SULT6B1: variants seen among roughly 807,000 people sequenced by gnomAD.
SULT6B1 encodes the protein sulfotransferase 6B1.
A neutral mutation model predicts 37.2 loss-of-function variants in SULT6B1; 44 were observed. The observed-to-expected ratio is 1.18, with a 90% CI of 0.93 to 1.52. SULT6B1 has a LOEUF of 1.52. SULT6B1 is among the 40% of genes most tolerant of loss of function. SULT6B1 has a pLI of 0.00. For missense variants in SULT6B1, 450 were observed against 361.0 expected (o/e 1.25, Z -2.00); for synonymous variants, 140 against 126.0 (o/e 1.11, Z -0.74).
chr2:37,189,191 C>A (rs1676735102), upstream of SULT6B1, among the ~76,000 whole-genome samples: 1 of 152,186 alleles, frequency 6.6e-6, no homozygotes, highest in South Asian at 2.1e-4. Flanking sequence ...TTGACTCTAC[C>A]ATTTACTAGT....
chr2:37,175,133 T>A lies in SULT6B1; in HGVS notation c.623A>T (p.Glu208Val). Residue 208 changes from glutamate (E) to valine (V), a missense_variant and splice_region_variant, in exon 5 of 7, where the codon GAG (glutamate) becomes GTG (valine). By Grantham distance (121) the Glu-to-Val change is moderately radical. Coordinates refer to ENST00000535679, the MANE Select transcript of SULT6B1 (RefSeq NM_001367551.1). The stretch of plus-strand genomic sequence containing the variant: ...CTAAAATATCAATAATAATCTCACC[T>A]CTTTCAGGTCTTCATATAATATGAA... Reference protein sequence around the residue: ...VKFILYEDLKENLAAGIKQIA... With the variant: ...VKFILYEDLKVNLAAGIKQIA... 1 of 1,535,090 alleles carries A rather than the reference T, an allele frequency of 6.5e-7. No individual in the cohort carries two copies. Among genetic ancestry groups the A allele is most frequent in the Non-Finnish European group, 8.8e-7 (1 of 1,136,170 alleles).
Position 37,171,582 on chromosome 2 carries a change from A to C in SULT6B1, c.633T>G (p.Ala211=). 6.2e-7 allele frequency: 1 copy of C among 1,609,922 alleles called. No homozygotes were observed. Among genetic ancestry groups the C allele is most frequent in the Non-Finnish European group, 8.5e-7 (1 of 1,178,930 alleles). Residue 211 remains alanine (A), a synonymous_variant, in exon 6 of 7, where the codon GCT becomes GCG. Transcript: ENST00000535679. Reference sequence around the variant, plus strand: ...ACTCAGCAATCTGTTTTATTCCAGCAGCCAGATTCTGTAAAAAAATTTTCT... The same window carrying C: ...ACTCAGCAATCTGTTTTATTCCAGCCGCCAGATTCTGTAAAAAAATTTTCT... ...ILYEDLKENL[A]AGIKQIAEFL...
At chr2:37,178,563 C>G (rs1036987966) in intron 4 of SULT6B1, among the ~76,000 whole-genome samples, 4 of 152,036 alleles carry the variant, frequency 2.6e-5, no homozygotes, top group African/African-American at 9.7e-5. Context: ...GTTTCCTCAT[C>G]TGTACAATGG....
At chr2:37,172,361 C>A (rs1253189538) in intron 5 of SULT6B1, among the ~76,000 whole-genome samples, 1 of 152,168 alleles carries the variant, frequency 6.6e-6, no homozygotes, top group Non-Finnish European at 1.5e-5. Flanking sequence ...ATAACCTCCT[C>A]CCAAACCTCA....
Position 37,168,522 on chromosome 2 carries a change from C to T in SULT6B1, c.782-457G>A, listed in dbSNP as rs1003961721. Among the ~76,000 whole-genome samples the T allele has an allele frequency of 3.3e-5, 5 of 152,148 alleles. No homozygotes were observed. The East Asian group carries it at 7.7e-4, about 23-fold the overall frequency. On this transcript the variant is annotated intron_variant, in intron 6 of 6. Coordinates refer to ENST00000535679, the MANE Select transcript of SULT6B1 (RefSeq NM_001367551.1). ...AAAATTAACAATATCCATTGGGACT[C>T]CACCATCTGTGGTGTGGGAGGTGAC...
In SULT6B1 at chr2:37,188,428, G is replaced by T; in HGVS notation, c.199+14C>A. 1 of 1,608,098 alleles carries T rather than the reference G, an allele frequency of 6.2e-7. No homozygotes were observed. Among genetic ancestry groups the T allele is most frequent in the South Asian group, 1.1e-5 (1 of 90,628 alleles). On this transcript the variant is annotated intron_variant, in intron 1 of 6. Transcript: ENST00000535679. ...TATGAGAAGTGTACTTGTAGGAAACGACTTGTCATTTACCGCACTTTGGAT... is the reference window on the plus strand; with the variant it reads ...TATGAGAAGTGTACTTGTAGGAAACTACTTGTCATTTACCGCACTTTGGAT...
chr2:37,169,288 A>G (rs955432557), intron 6 of SULT6B1, among the ~76,000 whole-genome samples: 3 of 152,200 alleles, frequency 2.0e-5, no homozygotes, highest in Non-Finnish European at 2.9e-5. Context: ...TTTACATTCA[A>G]TGTTCCGCTT....
intron 3 of SULT6B1, among the ~76,000 whole-genome samples, chr2:37,181,890 T>A (rs1261483107): frequency 6.6e-6 from 1 of 152,222 alleles, no homozygotes; most frequent in African/African-American, 2.4e-5. Flanking sequence ...AAGGAAAAAC[T>A]GTTTAACAGA....
intron 1 of SULT6B1, among the ~76,000 whole-genome samples, chr2:37,188,225 G>T (rs1002604523): frequency 2.6e-5 from 4 of 151,910 alleles, no homozygotes; most frequent in African/African-American, 9.7e-5. Context: ...TGGCCTTTCC[G>T]CACAGAGCTC....
chr2:37,192,663 A>G (rs566147764), upstream of SULT6B1, among the ~76,000 whole-genome samples: 47 of 152,348 alleles, frequency 3.1e-4, no homozygotes, highest in African/African-American at 1.0e-3. Flanking sequence ...TACATTACAA[A>G]AAGTCTTTGT....
intron 6 of SULT6B1, among the ~76,000 whole-genome samples, chr2:37,168,285 C>G (rs1003909217): frequency 6.6e-6 from 1 of 152,190 alleles, no homozygotes; most frequent in Non-Finnish European, 1.5e-5. Flanking sequence ...CCTTAGCCTA[C>G]CGAGTAGCTG....
intron 3 of SULT6B1, 38 bp downstream of exon 3, chr2:37,183,387 G>T: frequency 6.5e-7 from 1 of 1,528,836 alleles, no homozygotes; most frequent in Non-Finnish European, 9.0e-7. Flanking sequence ...TCTATACATA[G>T]AAATTTCAAA....
intron 6 of SULT6B1, among the ~76,000 whole-genome samples, chr2:37,169,693 C>T (rs1410184517): frequency 6.6e-6 from 1 of 152,138 alleles, no homozygotes; most frequent in Non-Finnish European, 1.5e-5. Context: ...CAGGGTTTCA[C>T]CATCTTCGCC....
At chr2:37,184,812 A>G (rs1676636376) in intron 2 of SULT6B1, among the ~76,000 whole-genome samples, 1 of 151,992 alleles carries the variant, frequency 6.6e-6, no homozygotes, top group South Asian at 2.1e-4. Context: ...AGCCTGAGCG[A>G]CAGAGTGAGA....
chr2:37,168,674 A>G (rs1676233180), intron 6 of SULT6B1, among the ~76,000 whole-genome samples: 1 of 152,200 alleles, frequency 6.6e-6, no homozygotes. Flanking sequence ...AAAGTCTCTT[A>G]AAGACTTTAA....
chr2:37,170,329 T>C (rs757284938), intron 6 of SULT6B1, among the ~76,000 whole-genome samples: 1 of 151,900 alleles, frequency 6.6e-6, no homozygotes, highest in Non-Finnish European at 1.5e-5. Context: ...TATCTGGGTG[T>C]GGTAATGGGT....
At position 37,187,458 on chromosome 2, in the gene SULT6B1, C is replaced by T; in HGVS notation, c.209G>A (p.Trp70Ter). 1 of 1,571,102 alleles carries T rather than the reference C, an allele frequency of 6.4e-7. No individual in the cohort carries two copies. The highest frequency in any genetic ancestry group is 8.7e-7 in the Non-Finnish European group (1 of 1,150,918). The change falls in exon 2 of 7, where the codon TGG becomes TAG. Residue 70 changes from tryptophan (W) to a stop codon, truncating the protein, a stop_gained. Transcript: ENST00000535679. LOFTEE classifies it high-confidence loss of function. The part of the protein sequence containing the change: ...LASYPKCGSN[W>*]ILHIVSELIY... The stretch of plus-strand genomic sequence containing the variant: ...TAATTCACTGACAATGTGGAGAATC[C>T]AGTTTGAACCTATCAGAAAAATCAG...
At chr2:37,178,520 G>C (rs1381220770) in intron 4 of SULT6B1, among the ~76,000 whole-genome samples, 2 of 152,166 alleles carry the variant, frequency 1.3e-5, no homozygotes, top group Non-Finnish European at 2.9e-5. Flanking sequence ...ACAGGCATGA[G>C]CTACTGTGCC....
At chr2:37,176,700 A>G (rs1233712165) in intron 4 of SULT6B1, among the ~76,000 whole-genome samples, 1 of 152,112 alleles carries the variant, frequency 6.6e-6, no homozygotes, top group Non-Finnish European at 1.5e-5. Flanking sequence ...CCAACATCTA[A>G]TACATCCTCT....
Sources: gnomAD v4.1 joint callset for allele counts (sites outside exome capture counted in the v4.1 genomes callset) on GRCh38, gnomAD v4.1.1 for gene constraint, MANE v1.5 for transcripts, NCBI Gene and HGNC (gene_info 2026-07-23, HGNC 2026-07-21) for gene names.